The following NRXN3 variants were observed in gnomAD, a reference collection of about 807,000 sequenced individuals.
NRXN3 encodes neurexin 3.
In NRXN3, 32 loss-of-function variants were observed where a neutral mutation model predicts 137.6. The ratio of observed to expected loss-of-function variants is 0.23; its 90% confidence interval spans 0.18 to 0.31. The LOEUF is 0.31. Ranked by LOEUF, NRXN3 falls within the 10% of genes least tolerant of loss-of-function variation. NRXN3 has a pLI of 1.00. For missense variants in NRXN3, 1,574 were observed against 2,062.5 expected, an observed-to-expected ratio of 0.76 and a Z score of 4.59; for synonymous variants, 798 against 784.5, an observed-to-expected ratio of 1.02 and a Z score of -0.29.
intron 16 of NRXN3, among the ~76,000 whole-genome samples, chr14:79,594,907 C>G (rs973696631): frequency 6.6e-6 from 1 of 151,912 alleles, no homozygotes; most frequent in Admixed American, 6.6e-5. Flanking sequence ...TCCAAGACAT[C>G]AAGATAATTT....
At chr14:79,049,038 A>T (rs1595370826) in intron 15 of NRXN3, among the ~76,000 whole-genome samples, 192 of 3,752 alleles carry the variant, frequency 0.051, 14 homozygotes, top group African/African-American at 0.083. Context: ...AAAAAAAAAA[A>T]AAAAAAAAAA....
At chr14:79,349,558 A>G (rs1409732505) in intron 15 of NRXN3, among the ~76,000 whole-genome samples, 8 of 148,302 alleles carry the variant, frequency 5.4e-5, no homozygotes, top group African/African-American at 2.0e-4. Flanking sequence ...ACACACACAC[A>G]CACACACACA....
At chr14:79,721,928 T>C (rs543974553) in intron 19 of NRXN3, among the ~76,000 whole-genome samples, 1 of 152,228 alleles carries the variant, frequency 6.6e-6, no homozygotes, top group South Asian at 2.1e-4. Context: ...CCCTAGGATT[T>C]AGCACATTAA....
At chr14:79,692,922 G>T (rs1444392076) in intron 18 of NRXN3, among the ~76,000 whole-genome samples, 1 of 152,014 alleles carries the variant, frequency 6.6e-6, no homozygotes, top group African/African-American at 2.4e-5. Context: ...TTACACTTCG[G>T]TTGTGTGCAT....
At chr14:78,624,700 G>A (rs1422316458) in intron 4 of NRXN3, among the ~76,000 whole-genome samples, 1 of 152,218 alleles carries the variant, frequency 6.6e-6, no homozygotes, top group Non-Finnish European at 1.5e-5. Context: ...ACAACCTGGG[G>A]AAGAGACCTC....
intron 15 of NRXN3, among the ~76,000 whole-genome samples, chr14:79,249,479 T>C (rs1392081868): frequency 6.6e-6 from 1 of 152,082 alleles, no homozygotes; most frequent in Non-Finnish European, 1.5e-5. Flanking sequence ...GATGAGAAAA[T>C]GTGAAAAGTC....
intron 15 of NRXN3, among the ~76,000 whole-genome samples, chr14:79,350,736 T>G (rs1007870550): frequency 6.6e-6 from 1 of 152,130 alleles, no homozygotes; most frequent in Non-Finnish European, 1.5e-5. Context: ...CGGGGCCATC[T>G]CTGAGCTACA....
At chr14:79,403,796 T>C (rs2095257044) in intron 15 of NRXN3, among the ~76,000 whole-genome samples, 1 of 152,152 alleles carries the variant, frequency 6.6e-6, no homozygotes, top group Non-Finnish European at 1.5e-5. Context: ...ACATGGGTAC[T>C]GCATGCTGGA....
intron 16 of NRXN3, among the ~76,000 whole-genome samples, chr14:79,554,255 G>A (rs1181918739): frequency 6.6e-6 from 1 of 152,170 alleles, no homozygotes; most frequent in Non-Finnish European, 1.5e-5. Flanking sequence ...GGAAAAGGCA[G>A]GAATCTGGGT....
chr14:79,262,930 G>C (rs1335143923), intron 15 of NRXN3, among the ~76,000 whole-genome samples: 1 of 152,118 alleles, frequency 6.6e-6, no homozygotes, highest in Non-Finnish European at 1.5e-5. Flanking sequence ...ACTACTGCTG[G>C]GATTGAATCT....
intron 4 of NRXN3, among the ~76,000 whole-genome samples, chr14:78,435,380 A>G (rs1160093425): frequency 6.6e-6 from 1 of 152,068 alleles, no homozygotes; most frequent in Non-Finnish European, 1.5e-5. Context: ...TGTTACCTTC[A>G]TTTCACAAAT....
intron 15 of NRXN3, among the ~76,000 whole-genome samples, chr14:79,181,247 A>G (rs993744431): frequency 6.6e-6 from 1 of 152,160 alleles, no homozygotes; most frequent in African/African-American, 2.4e-5. Context: ...TTTCTGGTAC[A>G]AGCCTGTAAG....
At chr14:79,260,764 G>T (rs1047949602) in intron 15 of NRXN3, among the ~76,000 whole-genome samples, 2 of 152,200 alleles carry the variant, frequency 1.3e-5, no homozygotes, top group South Asian at 4.1e-4. Flanking sequence ...ATTTTCCAGA[G>T]AAATGGTATA....
chr14:78,816,108 A>C (rs951105692), intron 10 of NRXN3, among the ~76,000 whole-genome samples: 2 of 152,198 alleles, frequency 1.3e-5, no homozygotes, highest in Admixed American at 6.5e-5. Context: ...TCGTATCAAT[A>C]ACAGCCAGAT....
At position 78,709,355 on chromosome 14, in the gene NRXN3, C is replaced by A; in HGVS notation, c.1360C>A (p.Pro454Thr). 1 of 1,614,118 alleles carries A rather than the reference C, an allele frequency of 6.2e-7. No homozygotes were observed. Among genetic ancestry groups the A allele is most frequent in the Non-Finnish European group, 8.5e-7 (1 of 1,179,998 alleles). Residue 454 changes from proline (P) to threonine (T), a missense_variant, in exon 7 of 21, where the codon CCA becomes ACA. Transcript: ENST00000335750. ...ACTGGACCCCATCAACTTTGAGACC[C>A]CAGAGGCTTACATCAGCTTGCCCAA... Reference protein sequence around the residue: ...ATLDPINFETPEAYISLPKWN... With the variant: ...ATLDPINFETTEAYISLPKWN...
chr14:78,846,445 C>A (rs1391826152), intron 10 of NRXN3, among the ~76,000 whole-genome samples: 1 of 152,124 alleles, frequency 6.6e-6, no homozygotes, highest in East Asian at 1.9e-4. Flanking sequence ...TTTACAATCT[C>A]TGCTGCTGTT....
intron 15 of NRXN3, among the ~76,000 whole-genome samples, chr14:79,087,940 A>T (rs28706257): frequency 0.34 from 50,303 of 149,770 alleles, 9,508 homozygotes; most frequent in Admixed American, 0.47. Context: ...GGGAAATAAC[A>T]ACTAGTTGTT....
At chr14:78,571,869 C>T (rs1368613509) in intron 4 of NRXN3, among the ~76,000 whole-genome samples, 1 of 152,168 alleles carries the variant, frequency 6.6e-6, no homozygotes, top group African/African-American at 2.4e-5. Context: ...CAAGTAATCC[C>T]CTGAGTTTTT....
intron 16 of NRXN3, among the ~76,000 whole-genome samples, chr14:79,608,710 TA>T (rs1045371493): frequency 6.6e-6 from 1 of 152,136 alleles, no homozygotes; most frequent in African/African-American, 2.4e-5. Flanking sequence ...GTTAACGAAT[TA>T]AAATGCCAAA....
Sources: gnomAD v4.1 joint callset for allele counts (sites outside exome capture counted in the v4.1 genomes callset) on GRCh38, gnomAD v4.1.1 for gene constraint, MANE v1.5 for transcripts, NCBI Gene and HGNC (gene_info 2026-07-23, HGNC 2026-07-21) for gene names.